Variants in ADAMTSL1 observed in about 807,000 individuals in gnomAD.
ADAMTSL1 encodes ADAMTS-like protein 1.
ADAMTSL1 carries 126 observed loss-of-function variants against 201.8 expected under a neutral mutation model. The ratio of observed to expected loss-of-function variants is 0.62; its 90% CI spans 0.54 to 0.72. ADAMTSL1 has a LOEUF of 0.72. Among genes scored for constraint, ADAMTSL1 ranks in the 30% least tolerant of loss-of-function variants. The pLI is 0.00. For missense variants in ADAMTSL1, 2,679 were observed against 2,277.8 expected (o/e 1.18, Z -3.59); for synonymous variants, 1,121 against 903.4 (o/e 1.24, Z -4.32).
chr9:18,706,813 C>A lies in ADAMTSL1; in HGVS notation c.1641C>A (p.Val547=). ...GTGTGGGGACCCAGGTGCGAATAGT[C>A]AGGTGCCAGGTGCTCCTGTCTTTCT... is the stretch of plus-strand genomic sequence containing the variant. ...TCGVGTQVRI[V]RCQVLLSFSQ... Residue 547 remains valine, a synonymous_variant, in exon 14 of 29, where the codon GTC becomes GTA. Transcript: ENST00000380548. 6.2e-7 allele frequency: 1 copy of A among 1,609,898 alleles called. No individual in the cohort carries two copies. Among genetic ancestry groups the A allele is most frequent in the East Asian group, 2.2e-5 (1 of 44,730 alleles).
Position 18,177,384 on chromosome 9 carries a change from C to T in ADAMTSL1, c.207+13403C>T, listed in dbSNP as rs554625522. Among the ~76,000 whole-genome samples the T allele has an allele frequency of 8.4e-4, 128 of 152,280 alleles. 1 individual carries two copies. The highest frequency in any genetic ancestry group is 2.9e-3 in the African/African-American group (122 of 41,552). ...CTTCCTGGCAATTAATAATGCATGA[C>T]ACTGATGGAAATGTGGCTAAAACGT... On this transcript the variant is annotated intron_variant, in intron 2 of 29. Coordinates refer to the ADAMTSL1 transcript ENST00000680146.
intron 27 of ADAMTSL1, 94 bp from the exon 28 acceptor site, chr9:18,906,598 C>T: frequency 1.9e-6 from 2 of 1,053,086 alleles, no homozygotes; most frequent in South Asian, 1.7e-5. Context: ...TGAGGAACCA[C>T]CTAACATTTC....
intron 2 of ADAMTSL1, among the ~76,000 whole-genome samples, chr9:18,438,047 A>G (rs1819818859): frequency 6.6e-6 from 1 of 152,166 alleles, no homozygotes; most frequent in Non-Finnish European, 1.5e-5. Context: ...GTGAGGAGCC[A>G]GGGAACTTTT....
chr9:18,895,878 A>C (rs1829603640), intron 26 of ADAMTSL1, among the ~76,000 whole-genome samples: 1 of 152,280 alleles, frequency 6.6e-6, no homozygotes, highest in African/African-American at 2.4e-5. Context: ...AAGAAAATAA[A>C]CATAGGCATT....
intron 5 of ADAMTSL1, among the ~76,000 whole-genome samples, chr9:18,626,938 C>CCTTT (rs372796093): frequency 2.4e-5 from 3 of 123,248 alleles, no homozygotes; most frequent in African/African-American, 9.9e-5. Flanking sequence ...TTCTTTCTTT[C>CCTTT]CTTTCTTTCT....
In ADAMTSL1 at chr9:18,665,036, C is replaced by G. The variant is rs999949580; in HGVS notation, c.1085+2963C>G. On this transcript the variant is annotated intron_variant, in intron 9 of 28. Coordinates refer to ENST00000380548, the MANE Select transcript of ADAMTSL1 (RefSeq NM_001040272.6). ...TATCACAATTTTAAGTGTTGTACTA[C>G]CGAAGTAAATGCTTTTGCCCTCATC... Among the ~76,000 whole-genome samples, 11 of 151,980 alleles carry G rather than the reference C, an allele frequency of 7.2e-5. No individual in the cohort carries two copies. In the East Asian group the frequency reaches 1.9e-3, roughly 27 times the overall value.
At chr9:18,406,341 T>TTTCTTCTC (rs1818205268) in intron 2 of ADAMTSL1, among the ~76,000 whole-genome samples, 1 of 150,210 alleles carries the variant, frequency 6.7e-6, no homozygotes, top group African/African-American at 2.4e-5. Flanking sequence ...TTTCTTTTCT[T>TTTCTTCTC]TTTTTGACAT....
intron 2 of ADAMTSL1, among the ~76,000 whole-genome samples, chr9:18,290,056 C>T (rs932037243): frequency 1.2e-4 from 19 of 152,072 alleles, no homozygotes; most frequent in African/African-American, 4.1e-4. Flanking sequence ...GTGCCTGTGC[C>T]TTCCAAGACC....
At chr9:17,915,504 C>CA (rs1310174281) in intron 1 of ADAMTSL1, among the ~76,000 whole-genome samples, 1 of 152,152 alleles carries the variant, frequency 6.6e-6, no homozygotes, top group Non-Finnish European at 1.5e-5. Context: ...TTTGCTATTA[C>CA]AAATAAAGCT....
At chr9:18,588,288 G>A (rs1300272051) in intron 4 of ADAMTSL1, among the ~76,000 whole-genome samples, 65 of 152,098 alleles carry the variant, frequency 4.3e-4, no homozygotes, top group Non-Finnish European at 1.9e-4. Context: ...TATCTATTCA[G>A]GTCTTTTGTC....
chr9:18,641,559 T>G (rs35083940), intron 7 of ADAMTSL1, among the ~76,000 whole-genome samples: 17,388 of 152,062 alleles, frequency 0.11, 1,307 homozygotes, highest in Non-Finnish European at 0.17. Flanking sequence ...TCTAAGAGTA[T>G]ATATCTTTTT....
At chr9:18,287,517 AT>A (rs1833043797) in intron 2 of ADAMTSL1, among the ~76,000 whole-genome samples, 1 of 151,476 alleles carries the variant, frequency 6.6e-6, no homozygotes, top group Non-Finnish European at 1.5e-5. Context: ...CACATATGTA[AT>A]ATATTTACAT....
chr9:18,203,512 C>G (rs1239148650), intron 2 of ADAMTSL1, among the ~76,000 whole-genome samples: 4 of 150,930 alleles, frequency 2.7e-5, no homozygotes, highest in African/African-American at 4.9e-5. Context: ...AGGATAGATA[C>G]TAGATCAGAA....
chr9:17,987,417 G>A (rs1818972573), intron 1 of ADAMTSL1, among the ~76,000 whole-genome samples: 1 of 152,100 alleles, frequency 6.6e-6, no homozygotes, highest in African/African-American at 2.4e-5. Flanking sequence ...TGACGTTATT[G>A]TTTTATTGCA....
intron 2 of ADAMTSL1, among the ~76,000 whole-genome samples, chr9:18,281,563 A>T (rs1832791506): frequency 6.6e-6 from 1 of 152,236 alleles, no homozygotes; most frequent in East Asian, 1.9e-4. Context: ...CTCAAGAAAC[A>T]CAAAAAGGTC....
At chr9:18,030,314 A>G (rs1406374954) in intron 1 of ADAMTSL1, among the ~76,000 whole-genome samples, 1 of 152,018 alleles carries the variant, frequency 6.6e-6, no homozygotes. Flanking sequence ...ACCAAACACC[A>G]CATGTTCTCA....
At chr9:18,798,459 A>T (rs1822570486) in intron 20 of ADAMTSL1, among the ~76,000 whole-genome samples, 1 of 152,258 alleles carries the variant, frequency 6.6e-6, no homozygotes, top group Admixed American at 6.5e-5. Flanking sequence ...GCTGGCATGT[A>T]GCAGGCACTC....
intron 1 of ADAMTSL1, among the ~76,000 whole-genome samples, chr9:18,062,610 C>T (rs921919262): frequency 6.6e-6 from 1 of 151,978 alleles, no homozygotes; most frequent in Non-Finnish European, 1.5e-5. Context: ...AGAAATCATT[C>T]TGGACAGTCT....
chr9:18,575,858 A>G (rs1443374000), intron 4 of ADAMTSL1, among the ~76,000 whole-genome samples: 1 of 152,228 alleles, frequency 6.6e-6, no homozygotes, highest in Non-Finnish European at 1.5e-5. Context: ...CTGCTGAATG[A>G]ACCAAAATAA....
Sources: gnomAD v4.1 joint callset for allele counts (sites outside exome capture counted in the v4.1 genomes callset) on GRCh38, gnomAD v4.1.1 for gene constraint, MANE v1.5 for transcripts, NCBI Gene and HGNC (gene_info 2026-07-23, HGNC 2026-07-21) for gene names.